The following ANKIB1 variants were observed in gnomAD, a reference collection of about 807,000 sequenced individuals.
The protein encoded by ANKIB1 is ankyrin repeat and IBR domain-containing protein 1.
A neutral mutation model predicts 122.1 loss-of-function variants in ANKIB1; 43 were observed. The observed-to-expected ratio is 0.35, with a 90% CI of 0.28 to 0.45. The LOEUF (loss-of-function observed/expected upper bound fraction) is 0.45, where lower values mean the gene tolerates loss of function less well. Among genes scored for constraint, ANKIB1 ranks in the 20% least tolerant of loss-of-function variants. ANKIB1 has a pLI of 1.00. For synonymous variants in ANKIB1, 390 were observed against 442.0 expected, an observed-to-expected ratio of 0.88 and a Z score of 1.48; for missense variants, 992 against 1,329.5, an observed-to-expected ratio of 0.75 and a Z score of 3.95.
chr7:92,350,005 T>TAAA (rs147124525), intron 7 of ANKIB1, among the ~76,000 whole-genome samples: 1 of 130,428 alleles, frequency 7.7e-6, no homozygotes. Context: ...GACCCCATCT[T>TAAA]AAAAAAAAAA....
At chr7:92,321,810 A>G (rs1481877890) in intron 4 of ANKIB1, among the ~76,000 whole-genome samples, 2 of 152,222 alleles carry the variant, frequency 1.3e-5, no homozygotes, top group East Asian at 1.9e-4. Flanking sequence ...TTTTTAAAAA[A>G]TCTTTGTTTC....
At chr7:92,366,802 C>G (rs1804095892) in intron 10 of ANKIB1, among the ~76,000 whole-genome samples, 1 of 152,208 alleles carries the variant, frequency 6.6e-6, no homozygotes, top group Non-Finnish European at 1.5e-5. Context: ...ACAAAAATGT[C>G]CTGCCACACA....
intron 3 of ANKIB1, among the ~76,000 whole-genome samples, chr7:92,312,966 TC>T (rs1272651709): frequency 6.6e-6 from 1 of 152,126 alleles, no homozygotes; most frequent in African/African-American, 2.4e-5. Context: ...TAGTAAAACA[TC>T]CAGTGATATT....
chr7:92,389,210 C>A (rs1340422935), intron 14 of ANKIB1, among the ~76,000 whole-genome samples: 2 of 152,172 alleles, frequency 1.3e-5, no homozygotes, highest in Admixed American at 6.5e-5. Flanking sequence ...AGTCAGAAAT[C>A]TCAGGGTCGT....
At chr7:92,326,628 T>G (rs1318885019) in intron 4 of ANKIB1, among the ~76,000 whole-genome samples, 1 of 152,206 alleles carries the variant, frequency 6.6e-6, no homozygotes, top group African/African-American at 2.4e-5. Context: ...AGTACTAATT[T>G]AACCATTAAA....
chr7:92,308,762 C>T (rs1802623183), intron 3 of ANKIB1, among the ~76,000 whole-genome samples: 1 of 152,080 alleles, frequency 6.6e-6, no homozygotes, highest in Admixed American at 6.6e-5. Context: ...AGGTTTTTCT[C>T]AGCTACCAAC....
At chr7:92,386,002 C>T (rs1174811339) in intron 11 of ANKIB1, among the ~76,000 whole-genome samples, 1 of 152,100 alleles carries the variant, frequency 6.6e-6, no homozygotes, top group African/African-American at 2.4e-5. Context: ...ATACTGAATG[C>T]TCATATTTTT....
intron 5 of ANKIB1, among the ~76,000 whole-genome samples, chr7:92,333,552 T>G (rs1803223119): frequency 6.6e-6 from 1 of 152,148 alleles, no homozygotes; most frequent in South Asian, 2.1e-4. Context: ...CTACCTCTCT[T>G]TATGGTGTTT....
At chr7:92,274,311 A>G (rs1801855397) in intron 1 of ANKIB1, among the ~76,000 whole-genome samples, 1 of 152,242 alleles carries the variant, frequency 6.6e-6, no homozygotes, top group African/African-American at 2.4e-5. Flanking sequence ...ACCTTAGAGC[A>G]GTAAGAAATT....
intron 1 of ANKIB1, among the ~76,000 whole-genome samples, chr7:92,253,080 C>T (rs1246057800): frequency 6.6e-6 from 1 of 152,128 alleles, no homozygotes; most frequent in East Asian, 1.9e-4. Flanking sequence ...CACTCATGTA[C>T]ATACATAATT....
chr7:92,249,800 A>G (rs1256024582), intron 1 of ANKIB1, among the ~76,000 whole-genome samples: 3 of 152,084 alleles, frequency 2.0e-5, no homozygotes, highest in East Asian at 1.9e-4. Context: ...AGTGCTTTAC[A>G]TACGTTATCT....
At chr7:92,368,570 A>AT (rs1321098844) in intron 10 of ANKIB1, among the ~76,000 whole-genome samples, 6 of 152,014 alleles carry the variant, frequency 3.9e-5, no homozygotes, top group Non-Finnish European at 7.4e-5. Context: ...TACAAAAAAA[A>AT]ATTAGCCAGG....
chr7:92,251,808 ACAC>A (rs1216803147), intron 1 of ANKIB1, among the ~76,000 whole-genome samples: 1 of 152,190 alleles, frequency 6.6e-6, no homozygotes, highest in African/African-American at 2.4e-5. Context: ...CGTGGATACA[ACAC>A]TGCTATCTAG....
At position 92,351,371 on chromosome 7, in the gene ANKIB1, C is replaced by T. The variant is rs569802123; in HGVS notation, c.1230+277C>T. ...TATCAGAACTTTTTATTAATTTGCC[C>T]GTTGCACTTTAATAACTGATTGATC... On this transcript the variant is annotated intron_variant, in intron 8 of 19. Coordinates refer to ENST00000265742, the MANE Select transcript of ANKIB1 (RefSeq NM_019004.2). Among the ~76,000 whole-genome samples, 12 of 152,006 alleles carry T rather than the reference C, an allele frequency of 7.9e-5. No homozygotes were observed. In the South Asian group the frequency reaches 2.3e-3, roughly 29 times the overall value.
rs202145070 is a variant in ANKIB1, at chr7:92,307,574, G to A, written c.404G>A (p.Arg135Lys). Residue 135 changes from arginine to lysine, a missense_variant, in exon 3 of 20, where the codon AGA (arginine) becomes AAA (lysine). Around this residue, in one of 4 missense-constraint regions of ANKIB1, gnomAD observed 521 missense variants for 777.7 expected, o/e 0.67. Transcript: ENST00000265742. ...AAACTTGACCAGGGTGAATATGAGA[G>A]AGCAGCTATTGATGCTGTTGATAAC... ...GAKLDQGEYE[R>K]AAIDAVDNKK... 9.0e-5 allele frequency: 145 copies of A among 1,613,448 alleles called. No homozygotes were observed. Among genetic ancestry groups the A allele is most frequent in the Non-Finnish European group, 1.2e-4 (136 of 1,179,854 alleles).
Position 92,352,501 on chromosome 7 carries a change from T to C in ANKIB1, c.1256T>C (p.Ile419Thr). 6.2e-7 allele frequency: 1 copy of C among 1,613,162 alleles called. No homozygotes were observed. The highest frequency in any genetic ancestry group is 8.5e-7 in the Non-Finnish European group (1 of 1,179,692). ...GCCTTTGTTGAAAATAATCCTGCCATTAAATGGTGTCCTACTCCAGGCTGT... is the reference window on the plus strand; with the variant it reads ...GCCTTTGTTGAAAATAATCCTGCCACTAAATGGTGTCCTACTCCAGGCTGT... Reference protein sequence around the residue: ...IKAFVENNPAIKWCPTPGCDR... With the variant: ...IKAFVENNPATKWCPTPGCDR... Residue 419 changes from isoleucine (I) to threonine (T), a missense_variant, in exon 9 of 20, where the codon ATT becomes ACT. Physicochemically the swap from Ile to Thr is moderately conservative, Grantham distance 89. This residue lies in a region of ANKIB1 where 521 missense variants were observed against 777.7 expected (regional missense o/e 0.67). Coordinates refer to ENST00000265742, the MANE Select transcript of ANKIB1 (RefSeq NM_019004.2).
At chr7:92,347,062 AAAAG>A (rs1479512912) in intron 7 of ANKIB1, among the ~76,000 whole-genome samples, 4 of 152,220 alleles carry the variant, frequency 2.6e-5, no homozygotes, top group African/African-American at 4.8e-5. Flanking sequence ...GGCACATAGA[AAAAG>A]AAACTCCTAA....
At chr7:92,338,634 G>A (rs1156704429) in intron 5 of ANKIB1, among the ~76,000 whole-genome samples, 3 of 151,400 alleles carry the variant, frequency 2.0e-5, no homozygotes, top group Admixed American at 6.6e-5. Context: ...TGACTTGGCC[G>A]GGTGTGGTGG....
chr7:92,319,464 C>A lies in ANKIB1; in HGVS notation c.621C>A (p.Pro207=). Reference sequence around the variant, plus strand: ...CTCAAATGGTATTCTCACGGGATCCCGAGGCTGAAGAAATAGAAGCTGAAT... The same window carrying A: ...CTCAAATGGTATTCTCACGGGATCCAGAGGCTGAAGAAATAGAAGCTGAAT... ...LESQMVFSRD[P]EAEEIEAEYA... The change falls in exon 4 of 20, where the codon CCC becomes CCA. Residue 207 remains proline (P), a synonymous_variant. Coordinates refer to ENST00000265742, the MANE Select transcript of ANKIB1 (RefSeq NM_019004.2). The A allele has an allele frequency of 6.2e-7, 1 of 1,612,656 alleles. No individual in the cohort carries two copies. Among genetic ancestry groups the A allele is most frequent in the Non-Finnish European group, 8.5e-7 (1 of 1,179,474 alleles).
Sources: allele counts gnomAD v4.1 joint callset (sites outside exome capture counted in the v4.1 genomes callset), GRCh38; gene constraint gnomAD v4.1.1; regional missense constraint gnomAD v4.1.1; transcripts MANE v1.5; gene names NCBI Gene and HGNC (gene_info 2026-07-23, HGNC 2026-07-21).